Variants in GOLGA8H observed in about 807,000 individuals in gnomAD.
GOLGA8H encodes golgin A8 family member H.
Under a neutral mutation model 82.7 loss-of-function variants are expected in GOLGA8H, and 47 were observed. The ratio of observed to expected loss-of-function variants is 0.57; its 90% confidence interval spans 0.45 to 0.73. The LOEUF (loss-of-function observed/expected upper bound fraction) is 0.73, where lower values mean the gene tolerates loss of function less well. Ranked by LOEUF, GOLGA8H falls within the 30% of genes least tolerant of loss-of-function variation. The pLI, the probability that GOLGA8H is intolerant of heterozygous loss-of-function variation, is 0.00. For missense variants in GOLGA8H, 372 were observed against 661.0 expected, an observed-to-expected ratio of 0.56 and a Z score of 4.79; for synonymous variants, 108 against 241.6, an observed-to-expected ratio of 0.45 and a Z score of 5.13.
rs536407428 is a variant in GOLGA8H at position 30,604,181 on chromosome 15, C to T, written c.48+8C>T. 15 of 1,222,292 alleles carry T rather than the reference C, an allele frequency of 1.2e-5. 1 individual carries two copies. The East Asian group carries it at 3.7e-4, about 30-fold the overall frequency. The allele number at this position is 1,222,292 out of a possible 1,614,324, so 75.7% of individuals were successfully genotyped here. ...GCTGCAGCCAAGAAAAAGGTAAAAA[C>T]GCACTAGGTCATAGACCCTCAACCC... On this transcript the variant is annotated splice_region_variant and intron_variant, in intron 1 of 18. Coordinates refer to ENST00000566740, the MANE Select transcript of GOLGA8H (RefSeq NM_001282490.2).
In GOLGA8H at chr15:30,605,851, A is replaced by G; in HGVS notation, c.57A>G (p.Glu19=). The G allele has an allele frequency of 6.3e-7, 1 of 1,585,460 alleles. No homozygotes were observed. Among genetic ancestry groups the G allele is most frequent in the Non-Finnish European group, 8.5e-7 (1 of 1,171,646 alleles). ...KLAAAKKKLK[E]YWQKNSPRVP... is the part of the protein sequence containing the mutation. ...GCTCTTCTTTCCAACAGTTAAAAGA[A>G]TATTGGCAGAAAAACAGCCCTAGAG... Residue 19 remains glutamate, a synonymous_variant, in exon 2 of 19, where the codon GAA becomes GAG. Coordinates refer to ENST00000566740, the MANE Select transcript of GOLGA8H (RefSeq NM_001282490.2).
chr15:30,606,013 A>G (rs1031364331), intron 2 of GOLGA8H, 51 bp downstream of exon 2: 1 of 1,565,338 alleles, frequency 6.4e-7, no homozygotes. Flanking sequence ...AAGGGGCAAT[A>G]GAGGGTAATT....
In GOLGA8H at chr15:30,613,289, C is replaced by G. The variant is rs1351580247; in HGVS notation, c.1368+94C>G. On this transcript the variant is annotated intron_variant, in intron 15 of 18. Transcript: ENST00000566740. ...TCTTCGTTTCCCTGCCTTCTGATTT[C>G]TCTGGACCCTCACCCCTTCCGAGAG... 26 of 599,762 alleles carry G rather than the reference C, an allele frequency of 4.3e-5. 2 individuals carry two copies. The Admixed American group carries it at 7.0e-4, about 16-fold the overall frequency. The allele number at this position is 599,762 out of a possible 1,614,324, so 37.2% of individuals were successfully genotyped here.
At chr15:30,611,511 A>G (rs1019410204) in intron 13 of GOLGA8H, 165 bp downstream of exon 13, 1 of 923,530 alleles carries the variant, frequency 1.1e-6, no homozygotes, top group Non-Finnish European at 1.3e-6. Flanking sequence ...CCTGCCTCTG[A>G]CTTTTAAAGG....
At chr15:30,607,992 G>A (rs1179578702) in intron 4 of GOLGA8H, 38 bp from the exon 5 acceptor site, 6 of 1,595,076 alleles carry the variant, frequency 3.8e-6, no homozygotes, top group East Asian at 2.2e-5. Context: ...AGAGTTGAGG[G>A]GGCCACCCTC....
At chr15:30,607,667 T>G (rs1238192849) in intron 4 of GOLGA8H, 2 of 519,224 alleles carry the variant, frequency 3.9e-6, no homozygotes, top group Non-Finnish European at 6.9e-6. Flanking sequence ...CTATATCTGC[T>G]GTAAAGAACC....
In GOLGA8H at chr15:30,608,462, C is replaced by G; in HGVS notation, c.397-5C>G. On this transcript the variant is annotated splice_region_variant and splice_polypyrimidine_tract_variant and intron_variant, in intron 6 of 18. Coordinates refer to ENST00000566740, the MANE Select transcript of GOLGA8H (RefSeq NM_001282490.2). ...TTCAGCACTTGCTTGGCTTTTCTCC[C>G]AAAGGTTCAAATCCAGACATTGAAC... The G allele has an allele frequency of 3.7e-6, 6 of 1,609,672 alleles. 1 individual carries two copies. Among genetic ancestry groups the G allele is most frequent in the African/African-American group, 1.3e-5 (1 of 74,300 alleles).
rs1408383862 is a variant in GOLGA8H, at chr15:30,613,300, C to A, written c.1368+105C>A. On this transcript the variant is annotated intron_variant, in intron 15 of 18. Transcript: ENST00000566740. ...CTGCCTTCTGATTTCTCTGGACCCT[C>A]ACCCCTTCCGAGAGCCAGTGGTCAG... 7 of 628,402 alleles carry A rather than the reference C, an allele frequency of 1.1e-5. No homozygotes were observed. In the East Asian group the frequency reaches 1.3e-4, roughly 12 times the overall value. 38.9% of individuals were successfully genotyped at this position (628,402 alleles called of 1,614,324 possible).
intron 4 of GOLGA8H, chr15:30,607,681 C>T (rs2059943327): frequency 1.8e-6 from 1 of 553,752 alleles, no homozygotes. Flanking sequence ...AAGAACCGTA[C>T]CTGGTCCATA....
At chr15:30,609,661 T>A in intron 8 of GOLGA8H, 145 bp from the exon 9 acceptor site, 1 of 1,071,432 alleles carries the variant, frequency 9.3e-7, no homozygotes, top group South Asian at 1.3e-5. Context: ...ACTGTGTTCT[T>A]TTAAAAACCA....
At chr15:30,609,936 G>C (rs2059990658) in intron 9 of GOLGA8H, 44 bp downstream of exon 9, 1 of 1,582,954 alleles carries the variant, frequency 6.3e-7, no homozygotes, top group South Asian at 1.1e-5. Flanking sequence ...GATGACCCCA[G>C]GTGGCCAGGA....
Position 30,605,826 on chromosome 15 carries a change from G to A in GOLGA8H, c.49-17G>A, listed in dbSNP as rs771169864. The A allele has an allele frequency of 4.4e-6, 7 of 1,591,276 alleles. No homozygotes were observed. Among genetic ancestry groups the A allele is most frequent in the Non-Finnish European group, 6.0e-6 (7 of 1,174,742 alleles). ...GCTGACGGTTCTCATGAGTATTACT[G>A]CTCTTCTTTCCAACAGTTAAAAGAA... On this transcript the variant is annotated splice_polypyrimidine_tract_variant and intron_variant, in intron 1 of 18. Coordinates refer to ENST00000566740, the MANE Select transcript of GOLGA8H (RefSeq NM_001282490.2).
chr15:30,616,638 CTT>C lies in GOLGA8H; in HGVS notation c.*2079_*2080del, dbSNP rs2140862844. ...TTTCTGAACTTGCCGCTTTTGCATT[CTT>C]TGAGTTCAGTTTAAAGACAGTTACT... On this transcript the variant is annotated 3_prime_UTR_variant, in exon 19 of 19. Transcript: ENST00000566740. Among the ~76,000 whole-genome samples, 1 of 149,004 alleles carries C rather than the reference CTT, an allele frequency of 6.7e-6. No individual in the cohort carries two copies. Among genetic ancestry groups the C allele is most frequent in the Admixed American group, 6.7e-5 (1 of 14,914 alleles).
Position 30,604,189 on chromosome 15 carries a change from G to T in GOLGA8H, c.48+16G>T, listed in dbSNP as rs1396629714. ...CAAGAAAAAGGTAAAAACGCACTAG[G>T]TCATAGACCCTCAACCCAGCCACAG... is the stretch of plus-strand genomic sequence containing the variant. On this transcript the variant is annotated intron_variant, in intron 1 of 18. Coordinates refer to ENST00000566740, the MANE Select transcript of GOLGA8H (RefSeq NM_001282490.2). 1.4e-5 allele frequency: 17 copies of T among 1,206,886 alleles called. 1 individual carries two copies. In the East Asian group the frequency reaches 4.0e-4, roughly 28 times the overall value. The allele number at this position is 1,206,886 out of a possible 1,614,324, so 74.8% of individuals were successfully genotyped here.
Position 30,606,445 on chromosome 15 carries a change from C to T in GOLGA8H, c.169-410C>T, listed in dbSNP as rs539184217. ...TTTAGGGCAAGTTGCTAGACCTCAT[C>T]GGGCCTCTCTTTTCACATCTGTATA... On this transcript the variant is annotated intron_variant, in intron 2 of 18. Coordinates refer to ENST00000566740, the MANE Select transcript of GOLGA8H (RefSeq NM_001282490.2). 6.8e-3 allele frequency among the ~76,000 whole-genome samples: 1,022 copies of T among 151,070 alleles called. 38 individuals carry two copies. Among genetic ancestry groups the T allele is most frequent in the African/African-American group, 0.024 (964 of 40,800 alleles).
intron 15 of GOLGA8H, 195 bp from the exon 16 acceptor site, chr15:30,613,574 GA>G: frequency 3.7e-6 from 1 of 267,380 alleles, no homozygotes; most frequent in Non-Finnish European, 5.3e-6. Context: ...GGCCCAGAAG[GA>G]GCCAGAGGCA....
At chr15:30,608,625 C>T (rs2059964429) in intron 7 of GOLGA8H, 22 bp from the exon 8 acceptor site, 4 of 1,601,666 alleles carry the variant, frequency 2.5e-6, no homozygotes, top group Non-Finnish European at 3.4e-6. Flanking sequence ...CTTTGGGCCC[C>T]ATCTCAACTT....
At position 30,605,922 on chromosome 15, in the gene GOLGA8H, C is replaced by G; in HGVS notation, c.128C>G (p.Pro43Arg). The change falls in exon 2 of 19, where the codon CCT (proline) becomes CGT (arginine). Residue 43 changes from proline to arginine, a missense_variant. Coordinates refer to ENST00000566740, the MANE Select transcript of GOLGA8H (RefSeq NM_001282490.2). ...AACAGGAAAACAAATGGCAGTGTCC[C>G]TGAGAAAGCCACTTCTGGTGGTTGC... Reference protein sequence around the residue: ...NRNRKTNGSVPEKATSGGCQP... With the variant: ...NRNRKTNGSVREKATSGGCQP... The G allele has an allele frequency of 1.3e-6, 2 of 1,595,816 alleles. No homozygotes were observed. The highest frequency in any genetic ancestry group is 2.2e-5 in the East Asian group (1 of 44,718).
chr15:30,616,116 T>G lies in GOLGA8H; in HGVS notation c.*1555T>G, dbSNP rs2060102730. On this transcript the variant is annotated 3_prime_UTR_variant, in exon 19 of 19. Coordinates refer to ENST00000566740, the MANE Select transcript of GOLGA8H (RefSeq NM_001282490.2). ...TGTGCGATATTTATGTGATTGTGCC[T>G]ATGCATGATGAATGAATGCATTTCA... is the stretch of plus-strand genomic sequence containing the variant. 6.6e-6 allele frequency among the ~76,000 whole-genome samples: 1 copy of G among 152,046 alleles called. No individual in the cohort carries two copies. Among genetic ancestry groups the G allele is most frequent in the South Asian group, 2.1e-4 (1 of 4,828 alleles).
Sources: allele counts gnomAD v4.1 joint callset (sites outside exome capture counted in the v4.1 genomes callset), GRCh38; gene constraint gnomAD v4.1.1; transcripts MANE v1.5; gene names NCBI Gene and HGNC (gene_info 2026-07-23, HGNC 2026-07-21).